Variants in GRK7 observed in about 807,000 individuals in gnomAD.
GRK7 encodes the protein G protein-coupled receptor kinase 7.
GRK7 carries 24 observed loss-of-function variants against 34.1 expected under a neutral mutation model. That is an observed-to-expected ratio of 0.70 (90% CI 0.51 to 0.99). The LOEUF (loss-of-function observed/expected upper bound fraction) is 0.99, where lower values mean the gene tolerates loss of function less well. Ranked by LOEUF, GRK7 falls within the 50% of genes least tolerant of loss-of-function variation. The pLI is 0.00. For missense variants in GRK7, 644 were observed against 707.3 expected (o/e 0.91, Z 1.02); for synonymous variants, 256 against 279.4 (o/e 0.92, Z 0.84).
chr3:141,756,078 G>C, the GRK7 span, among the ~76,000 whole-genome samples: 1 of 151,628 alleles, frequency 6.6e-6, no homozygotes, highest in East Asian at 1.9e-4. Context: ...TTGCGAGGCC[G>C]AGGTGAGCAG....
intron 1 of GRK7, among the ~76,000 whole-genome samples, chr3:141,773,546 C>T (rs1299687762): frequency 6.6e-6 from 1 of 152,122 alleles, no homozygotes; most frequent in East Asian, 1.9e-4. Flanking sequence ...GAGTCTTGCT[C>T]TGTCGCCCAG....
chr3:141,750,287 G>T, the GRK7 span, among the ~76,000 whole-genome samples: 1 of 152,204 alleles, frequency 6.6e-6, no homozygotes, highest in Admixed American at 6.5e-5. Context: ...TGATTCAGTG[G>T]TTGGAACGGA....
intron 4 of GRK7, among the ~76,000 whole-genome samples, chr3:141,781,536 CA>C (rs35546502): frequency 1.6e-3 from 140 of 86,432 alleles, no homozygotes; most frequent in Admixed American, 4.8e-3. Context: ...GACTCTGTCT[CA>C]AAAAAAAAAA....
intron 4 of GRK7, among the ~76,000 whole-genome samples, chr3:141,801,072 A>T (rs1710955896): frequency 6.6e-6 from 1 of 152,122 alleles, no homozygotes; most frequent in Admixed American, 6.5e-5. Context: ...GCACTTTGGG[A>T]GGCCGAGGCG....
intron 3 of GRK7, among the ~76,000 whole-genome samples, chr3:141,779,409 C>CAAAAAAA (rs10626329): frequency 3.6e-4 from 35 of 96,360 alleles, no homozygotes; most frequent in East Asian, 1.8e-3. Context: ...GAGCAAGACT[C>CAAAAAAA]AAAAAAAAAA....
At chr3:141,757,657 G>C in the GRK7 span, among the ~76,000 whole-genome samples, 3,355 of 69,952 alleles carry the variant, frequency 0.048, 82 homozygotes, top group South Asian at 0.099. Flanking sequence ...ATAGTCATTT[G>C]GGTGTATACC....
chr3:141,794,740 T>C (rs2084741141), intron 4 of GRK7, among the ~76,000 whole-genome samples: 1 of 152,134 alleles, frequency 6.6e-6, no homozygotes, highest in Non-Finnish European at 1.5e-5. Context: ...GAGGGAGTAG[T>C]GGAGACAGAA....
chr3:141,780,869 G>A (rs2084669280), intron 4 of GRK7, 58 bp downstream of exon 4: 6 of 1,470,656 alleles, frequency 4.1e-6, no homozygotes, highest in Non-Finnish European at 3.7e-6. Flanking sequence ...GGAGGGGAGA[G>A]GGCTTTTCTA....
At chr3:141,776,758 T>C (rs1442722960) in intron 2 of GRK7, among the ~76,000 whole-genome samples, 1 of 152,214 alleles carries the variant, frequency 6.6e-6, no homozygotes, top group Non-Finnish European at 1.5e-5. Flanking sequence ...ATGCTAGCAG[T>C]TGTTTGGAAA....
intron 4 of GRK7, among the ~76,000 whole-genome samples, chr3:141,803,266 A>G (rs1710989325): frequency 6.2e-5 from 1 of 16,118 alleles, no homozygotes; most frequent in African/African-American, 1.9e-4. Context: ...GTCTCTACTG[A>G]AAAAAAAAAA....
At chr3:141,793,561 C>T (rs1404596595) in intron 4 of GRK7, among the ~76,000 whole-genome samples, 1 of 152,186 alleles carries the variant, frequency 6.6e-6, no homozygotes, top group East Asian at 1.9e-4. Context: ...CCTCAGCCAT[C>T]CTTCAGGGAG....
chr3:141,808,545 T>C (rs576035937), intron 5 of GRK7, among the ~76,000 whole-genome samples: 4 of 152,068 alleles, frequency 2.6e-5, no homozygotes, highest in Admixed American at 6.5e-5. Flanking sequence ...AAACCCCATC[T>C]GTAATAAAAC....
At chr3:141,806,942 G>T (rs576857507) in intron 4 of GRK7, among the ~76,000 whole-genome samples, 6 of 151,608 alleles carry the variant, frequency 4.0e-5, no homozygotes, top group Admixed American at 1.3e-4. Flanking sequence ...AAATAAATAT[G>T]TATGTATATA....
At chr3:141,754,674 A>G in the GRK7 span, among the ~76,000 whole-genome samples, 1 of 152,168 alleles carries the variant, frequency 6.6e-6, no homozygotes, top group African/African-American at 2.4e-5. Flanking sequence ...TTGGTTTTCC[A>G]GCTTTCACAG....
At chr3:141,811,185 G>A (rs959365681) in intron 5 of GRK7, among the ~76,000 whole-genome samples, 2 of 151,846 alleles carry the variant, frequency 1.3e-5, no homozygotes, top group Non-Finnish European at 2.9e-5. Flanking sequence ...GGGTGCAGTG[G>A]CGGGTGCCTG....
chr3:141,750,524 A>G, the GRK7 span, among the ~76,000 whole-genome samples: 1 of 152,200 alleles, frequency 6.6e-6, no homozygotes, highest in East Asian at 1.9e-4. Context: ...TGTTATGAAG[A>G]TTAAATAAAT....
At position 141,795,591 on chromosome 3, in the gene GRK7, CT is replaced by C. The variant is rs145140823; in HGVS notation, c.1051-12053del. Among the ~76,000 whole-genome samples the C allele has an allele frequency of 2.7e-3, 418 of 152,160 alleles. 4 individuals carry two copies. Among genetic ancestry groups the C allele is most frequent in the African/African-American group, 9.7e-3 (403 of 41,522 alleles). ...GGAGTTGCACAAGGGGAGTTTGAAC[CT>C]ATTGGCAAGGGTGCTGGGGAACCGA... On this transcript the variant is annotated intron_variant, in intron 4 of 5. Coordinates refer to ENST00000682958, the MANE Select transcript of GRK7 (RefSeq NM_139209.3).
intron 4 of GRK7, among the ~76,000 whole-genome samples, chr3:141,787,139 G>A (rs2084700278): frequency 6.6e-6 from 1 of 152,128 alleles, no homozygotes; most frequent in East Asian, 1.9e-4. Context: ...CATTTTATTA[G>A]CCTTGTGAGT....
intron 4 of GRK7, among the ~76,000 whole-genome samples, chr3:141,794,004 C>A (rs1489887733): frequency 4.6e-5 from 7 of 152,080 alleles, no homozygotes; most frequent in African/African-American, 1.7e-4. Flanking sequence ...TGTGCCTGAC[C>A]CCAGCCCTCC....
Sources: allele counts gnomAD v4.1 joint callset (sites outside exome capture counted in the v4.1 genomes callset), GRCh38; gene constraint gnomAD v4.1.1; transcripts MANE v1.5; gene names NCBI Gene and HGNC (gene_info 2026-07-23, HGNC 2026-07-21).